GRM8: variants seen among roughly 807,000 people sequenced by gnomAD.
GRM8 encodes glutamate metabotropic receptor 8, also known as metabotropic glutamate receptor 8.
Under a neutral mutation model 87.2 loss-of-function variants are expected in GRM8, and 47 were observed. The observed-to-expected ratio is 0.54, with a 90% CI of 0.43 to 0.69. The LOEUF (loss-of-function observed/expected upper bound fraction) is 0.69, where lower values mean the gene tolerates loss of function less well. Ranked by LOEUF, GRM8 falls within the 30% of genes least tolerant of loss-of-function variation. The pLI is 0.00. For missense variants in GRM8, 1,019 were observed against 1,139.2 expected, an observed-to-expected ratio of 0.89 and a Z score of 1.52; for synonymous variants, 396 against 404.5, an observed-to-expected ratio of 0.98 and a Z score of 0.25.
chr7:127,007,344 TG>T (rs1478061620), intron 3 of GRM8, among the ~76,000 whole-genome samples: 1 of 151,916 alleles, frequency 6.6e-6, no homozygotes, highest in South Asian at 2.1e-4. Flanking sequence ...TATCTTAATA[TG>T]GGGGGTAAAA....
intron 3 of GRM8, among the ~76,000 whole-genome samples, chr7:126,964,215 A>C: frequency 6.6e-6 from 1 of 152,226 alleles, no homozygotes; most frequent in East Asian, 1.9e-4. Context: ...TAAAAACTCT[A>C]GAAGAAAACC....
At chr7:126,591,752 T>C (rs1796688414) in intron 8 of GRM8, among the ~76,000 whole-genome samples, 1 of 150,492 alleles carries the variant, frequency 6.6e-6, no homozygotes, top group African/African-American at 2.4e-5. Flanking sequence ...AGCTCAAAGT[T>C]AGTAGAAGGA....
intron 3 of GRM8, among the ~76,000 whole-genome samples, chr7:126,993,874 T>G (rs1049951521): frequency 6.6e-6 from 1 of 152,182 alleles, no homozygotes; most frequent in African/African-American, 2.4e-5. Flanking sequence ...GCTAAACTGC[T>G]CTGGGATCCT....
At chr7:127,074,232 T>C (rs903324315) in intron 3 of GRM8, among the ~76,000 whole-genome samples, 1 of 152,192 alleles carries the variant, frequency 6.6e-6, no homozygotes, top group Non-Finnish European at 1.5e-5. Context: ...ATGGGCAACA[T>C]TATTGGGGTA....
chr7:126,608,344 T>C (rs1798570766), intron 8 of GRM8, among the ~76,000 whole-genome samples: 1 of 151,980 alleles, frequency 6.6e-6, no homozygotes, highest in Non-Finnish European at 1.5e-5. Flanking sequence ...AAGTTCCTCC[T>C]CCGTACTGCC....
rs182095003 is a variant in GRM8 at position 126,922,463 on chromosome 7, A to T, written c.728-17780T>A. 3.9e-5 allele frequency among the ~76,000 whole-genome samples: 6 copies of T among 152,310 alleles called. No individual in the cohort carries two copies. In the East Asian group the frequency reaches 1.2e-3, roughly 29 times the overall value. Reference sequence around the variant, plus strand: ...ATAGCAACATGAAAATGTTTTGTGAAAAATGGAGACAAATACCAGAAAAAG... The same window carrying T: ...ATAGCAACATGAAAATGTTTTGTGATAAATGGAGACAAATACCAGAAAAAG... On this transcript the variant is annotated intron_variant, in intron 3 of 10. Coordinates refer to ENST00000339582, the MANE Select transcript of GRM8 (RefSeq NM_000845.3).
intron 7 of GRM8, among the ~76,000 whole-genome samples, chr7:126,748,578 C>T (rs970996484): frequency 2.7e-5 from 4 of 147,362 alleles, no homozygotes. Context: ...CAATGCAATA[C>T]CAACTAAAAT....
At chr7:126,494,796 C>G (rs1392367385) in intron 9 of GRM8, among the ~76,000 whole-genome samples, 1 of 151,992 alleles carries the variant, frequency 6.6e-6, no homozygotes, top group Non-Finnish European at 1.5e-5. Flanking sequence ...TACATTGATA[C>G]TCTGCTGGCT....
At position 126,619,524 on chromosome 7, in the gene GRM8, G is replaced by GA. The variant is rs554325143; in HGVS notation, c.1358-10027dup. Among the ~76,000 whole-genome samples the GA allele has an allele frequency of 1.6e-4, 24 of 148,310 alleles. 1 individual carries two copies. Among genetic ancestry groups the GA allele is most frequent in the Admixed American group, 1.3e-4 (2 of 14,842 alleles). On this transcript the variant is annotated intron_variant, in intron 7 of 10. Transcript: ENST00000339582. ...AACTTAAAGTATAATAAGAAAAAAG[G>GA]AAAAAAAAGAAATGCTATTTACATT...
intron 2 of GRM8, among the ~76,000 whole-genome samples, chr7:127,193,924 A>G (rs1209705179): frequency 6.6e-6 from 1 of 152,180 alleles, no homozygotes; most frequent in East Asian, 1.9e-4. Flanking sequence ...TCAGCATTCA[A>G]TCACTGTCAT....
At position 126,833,272 on chromosome 7, in the gene GRM8, AAAAATTTAGAC is replaced by A. The variant is rs1194836973; in HGVS notation, c.1157-63218_1157-63208del. Among the ~76,000 whole-genome samples, 26 of 152,350 alleles carry A rather than the reference AAAAATTTAGAC, an allele frequency of 1.7e-4. No individual in the cohort carries two copies. The East Asian group carries it at 4.6e-3, about 27-fold the overall frequency. ...TAAAAGGCAACAGTCACAGCAGTAG[AAAAATTTAGAC>A]AACTATTTGCGAGAACTTATCATCT... is the stretch of plus-strand genomic sequence containing the variant. On this transcript the variant is annotated intron_variant, in intron 6 of 10. Coordinates refer to ENST00000339582, the MANE Select transcript of GRM8 (RefSeq NM_000845.3).
At chr7:127,090,553 TG>T (rs2132889576) in intron 3 of GRM8, among the ~76,000 whole-genome samples, 1 of 152,356 alleles carries the variant, frequency 6.6e-6, no homozygotes, top group Non-Finnish European at 1.5e-5. Flanking sequence ...AATCTAAGAA[TG>T]GTAGATCTAC....
At chr7:127,137,795 T>G (rs1311428424) in intron 2 of GRM8, among the ~76,000 whole-genome samples, 2 of 152,172 alleles carry the variant, frequency 1.3e-5, no homozygotes, top group Non-Finnish European at 2.9e-5. Flanking sequence ...ATAATATTTC[T>G]GGGTAAAAAG....
intron 6 of GRM8, among the ~76,000 whole-genome samples, chr7:126,815,409 G>A (rs990848722): frequency 1.3e-5 from 2 of 152,088 alleles, no homozygotes; most frequent in African/African-American, 4.8e-5. Context: ...ACATAGAAAA[G>A]ACTAAGAAAT....
At chr7:126,636,363 G>A (rs1557667) in intron 7 of GRM8, among the ~76,000 whole-genome samples, 19,677 of 151,908 alleles carry the variant, frequency 0.13, 1,673 homozygotes, top group Non-Finnish European at 0.17. Context: ...TCAAGTTCCC[G>A]ATATAAAATG....
chr7:127,215,722 T>A (rs908314902), intron 2 of GRM8, among the ~76,000 whole-genome samples: 80 of 152,234 alleles, frequency 5.3e-4, no homozygotes, highest in Admixed American at 1.3e-4. Flanking sequence ...TGTCTGTAAT[T>A]GGGAGAGTTT....
chr7:126,702,981 C>T (rs1810100739), intron 7 of GRM8, among the ~76,000 whole-genome samples: 1 of 152,086 alleles, frequency 6.6e-6, no homozygotes, highest in South Asian at 2.1e-4. Flanking sequence ...GTTCAAGCCA[C>T]AAGAATAAAG....
At chr7:126,458,513 G>A (rs1269113243) in intron 9 of GRM8, among the ~76,000 whole-genome samples, 2 of 151,048 alleles carry the variant, frequency 1.3e-5, no homozygotes, top group Non-Finnish European at 3.0e-5. Flanking sequence ...GAAATGCAAG[G>A]ATAGACAAAT....
intron 6 of GRM8, among the ~76,000 whole-genome samples, chr7:126,849,151 G>C (rs916310578): frequency 1.3e-5 from 2 of 151,936 alleles, no homozygotes; most frequent in African/African-American, 4.8e-5. Context: ...GATTTGGATG[G>C]GGACACAGCC....
Sources: allele counts gnomAD v4.1 joint callset (sites outside exome capture counted in the v4.1 genomes callset), GRCh38; gene constraint gnomAD v4.1.1; transcripts MANE v1.5; gene names NCBI Gene and HGNC (gene_info 2026-07-23, HGNC 2026-07-21).